SLC6A16: variants seen among roughly 807,000 people sequenced by gnomAD.
SLC6A16 encodes the protein solute carrier family 6 member 16.
A neutral mutation model predicts 65.4 loss-of-function variants in SLC6A16; 54 were observed. The observed-to-expected ratio is 0.83, with a 90% confidence interval of 0.66 to 1.04. The LOEUF (loss-of-function observed/expected upper bound fraction) is 1.04. Among genes scored for constraint, SLC6A16 ranks in the 50% least tolerant of loss-of-function variants. The pLI, the probability that SLC6A16 is intolerant of heterozygous loss-of-function variation, is 0.00. For synonymous variants in SLC6A16, 330 were observed against 346.5 expected, an observed-to-expected ratio of 0.95 and a Z score of 0.53; for missense variants, 816 against 914.0, an observed-to-expected ratio of 0.89 and a Z score of 1.38.
upstream of SLC6A16, among the ~76,000 whole-genome samples, chr19:49,326,236 ATCTC>A (rs1018951598): frequency 6.6e-6 from 1 of 152,086 alleles, no homozygotes; most frequent in South Asian, 2.1e-4. Context: ...ATTTTTGCAA[ATCTC>A]TCTAATGTCT....
rs1174849349 is a variant in SLC6A16, at chr19:49,310,991, G to A, written c.357C>T (p.Phe119=). Residue 119 remains phenylalanine (F), a synonymous_variant, in exon 2 of 12, where the codon TTC becomes TTT. Coordinates refer to ENST00000335875, the MANE Select transcript of SLC6A16 (RefSeq NM_014037.3). ...KTEYILAQVG[F]SMKPSCLWRF... ...GCCAGAGACAAGATGGCTTCATAGA[G>A]AAGCCCACCTGAGCCAGAATATACT... 2 of 1,614,226 alleles carry A rather than the reference G, an allele frequency of 1.2e-6. No individual in the cohort carries two copies. The highest frequency in any genetic ancestry group is 1.7e-5 in the Admixed American group (1 of 60,018).
chr19:49,293,190 A>G, intron 10 of SLC6A16, 33 bp downstream of exon 10: 1 of 1,612,314 alleles, frequency 6.2e-7, no homozygotes, highest in Non-Finnish European at 8.5e-7. Flanking sequence ...CTATAGTCCC[A>G]TGCTTTGTGA....
In SLC6A16 at chr19:49,289,973, A is replaced by G; in HGVS notation, c.*150T>C. ...GGACCCAGGAAGGGATTGCAAGTCCAGGCCCCATGAACACCCCCAAAGAAT... is the reference window on the plus strand; with the variant it reads ...GGACCCAGGAAGGGATTGCAAGTCCGGGCCCCATGAACACCCCCAAAGAAT... On this transcript the variant is annotated 3_prime_UTR_variant, in exon 12 of 12. Coordinates refer to ENST00000335875, the MANE Select transcript of SLC6A16 (RefSeq NM_014037.3). 2 of 738,048 alleles carry G rather than the reference A, an allele frequency of 2.7e-6. No individual in the cohort carries two copies. Among genetic ancestry groups the G allele is most frequent in the African/African-American group, 3.5e-5 (2 of 56,688 alleles). The allele number at this position is 738,048 out of a possible 1,614,324, so 45.7% of individuals were successfully genotyped here. A position where few individuals can be genotyped will look rare whatever the true frequency, so the allele number is the denominator to read the frequency against.
At chr19:49,326,029 G>A (rs1457771445), upstream of SLC6A16, among the ~76,000 whole-genome samples, 1 of 151,768 alleles carries the variant, frequency 6.6e-6, no homozygotes, top group Non-Finnish European at 1.5e-5. Flanking sequence ...AATTAGCCGG[G>A]CGTGGTGGCA....
intron 11 of SLC6A16, 106 bp downstream of exon 11, chr19:49,290,499 T>C: frequency 6.4e-7 from 1 of 1,556,844 alleles, no homozygotes; most frequent in Non-Finnish European, 8.8e-7. Flanking sequence ...AACCCATGAG[T>C]CTTCGGGCAG....
chr19:49,296,414 T>C (rs955343876), intron 7 of SLC6A16, among the ~76,000 whole-genome samples: 1 of 152,218 alleles, frequency 6.6e-6, no homozygotes, highest in Non-Finnish European at 1.5e-5. Flanking sequence ...AATACCTTAG[T>C]AATCAAAGCA....
intron 1 of SLC6A16, among the ~76,000 whole-genome samples, chr19:49,312,071 G>T (rs1406145515): frequency 6.6e-6 from 1 of 151,400 alleles, no homozygotes; most frequent in Admixed American, 6.6e-5. Flanking sequence ...GAGCCAGGTT[G>T]GTCTTGAACT....
chr19:49,327,432 T>C (rs1970810821), upstream of SLC6A16, among the ~76,000 whole-genome samples: 1 of 152,158 alleles, frequency 6.6e-6, no homozygotes, highest in Non-Finnish European at 1.5e-5. Flanking sequence ...GAAATAACAC[T>C]GGAGTTGAGG....
chr19:49,339,757 A>T, the SLC6A16 span: 2 of 1,391,780 alleles, frequency 1.4e-6, no homozygotes, highest in Non-Finnish European at 1.9e-6. The surrounding 1 kb of genome is among the most constrained non-coding windows in gnomAD (Gnocchi z 4.5). Context: ...CCCCGGGCCC[A>T]GCCTGATCGC....
At position 49,309,314 on chromosome 19, in the gene SLC6A16, A is replaced by G; in HGVS notation, c.974T>C (p.Leu325Ser). Residue 325 changes from leucine (L) to serine (S), a missense_variant, in exon 6 of 12, where the codon TTG becomes TCG. Leu to Ser is a moderately radical substitution (Grantham distance 145, BLOSUM62 -2). Transcript: ENST00000335875. ...LEGAKFGLQQ[L>S]VVAKISDVYN... ...GATAGATTTCACCTTGGCAACCACC[A>G]ACTGTTGAAGGCCAAATTTTGCCCC... 1 of 1,613,196 alleles carries G rather than the reference A, an allele frequency of 6.2e-7. No individual in the cohort carries two copies. Among genetic ancestry groups the G allele is most frequent in the Non-Finnish European group, 8.5e-7 (1 of 1,179,172 alleles).
intron 1 of SLC6A16, among the ~76,000 whole-genome samples, 195 bp downstream of exon 1, chr19:49,324,853 G>A (rs1295523268): frequency 5.3e-5 from 8 of 152,192 alleles, no homozygotes; most frequent in Admixed American, 2.0e-4. Context: ...AGTTTCCTCT[G>A]TCCTACGTGG....
chr19:49,335,720 G>A, the SLC6A16 span: 24 of 1,613,876 alleles, frequency 1.5e-5, no homozygotes, highest in Non-Finnish European at 1.7e-5. This position sits in a 1 kb window ranked among gnomAD's most constrained non-coding sequence, Gnocchi z 4.6. Flanking sequence ...CCAGGTCCTC[G>A]GCAGCCTGAT....
chr19:49,313,330 T>C (rs1314520278), intron 1 of SLC6A16, among the ~76,000 whole-genome samples: 1 of 152,024 alleles, frequency 6.6e-6, no homozygotes, highest in African/African-American at 2.4e-5. Context: ...ACTCAGCTAA[T>C]TTTTAAAAGT....
At chr19:49,320,420 C>CA (rs1269580656) in intron 1 of SLC6A16, among the ~76,000 whole-genome samples, 9 of 123,214 alleles carry the variant, frequency 7.3e-5, no homozygotes, top group African/African-American at 2.5e-4. Flanking sequence ...AACAAACAAA[C>CA]AAACAAACAA....
At chr19:49,304,980 T>A (rs1050887484) in intron 7 of SLC6A16, among the ~76,000 whole-genome samples, 3 of 152,184 alleles carry the variant, frequency 2.0e-5, no homozygotes, top group African/African-American at 7.2e-5. Context: ...ATCTGTGAAG[T>A]TGTAGATATA....
chr19:49,305,398 C>T (rs1000798103), intron 7 of SLC6A16, among the ~76,000 whole-genome samples: 10 of 152,042 alleles, frequency 6.6e-5, no homozygotes, highest in Admixed American at 2.0e-4. Context: ...TTGAAACCAT[C>T]CTGGTGAACA....
intron 7 of SLC6A16, among the ~76,000 whole-genome samples, chr19:49,299,245 CAA>C (rs768577715): frequency 3.4e-4 from 29 of 84,452 alleles, no homozygotes; most frequent in Middle Eastern, 0.01. Context: ...GACTCCGTCT[CAA>C]AAAAAAAAAA....
In SLC6A16 at chr19:49,309,897, C is replaced by T; in HGVS notation, c.701-71G>A. The T allele has an allele frequency of 6.4e-6, 10 of 1,552,208 alleles. No homozygotes were observed. The East Asian group carries it at 6.8e-5, about 11-fold the overall frequency. On this transcript the variant is annotated intron_variant, in intron 4 of 11. Transcript: ENST00000335875. ...CTCTTCTTCCTTATCCCCTCCCCCACCTCCCTTTTCTCTTTCCCTCTCCCA... is the reference window on the plus strand; with the variant it reads ...CTCTTCTTCCTTATCCCCTCCCCCATCTCCCTTTTCTCTTTCCCTCTCCCA...
upstream of SLC6A16, among the ~76,000 whole-genome samples, chr19:49,325,892 G>A (rs182459206): frequency 1.1e-4 from 16 of 152,188 alleles, no homozygotes; most frequent in East Asian, 2.5e-3. Context: ...CGCTGGGCGC[G>A]GTGGCTGACG....
Sources: allele counts gnomAD v4.1 joint callset (sites outside exome capture counted in the v4.1 genomes callset), GRCh38; gene constraint gnomAD v4.1.1; non-coding constraint Gnocchi (gnomAD v3.1); transcripts MANE v1.5; gene names NCBI Gene and HGNC (gene_info 2026-07-23, HGNC 2026-07-21).